Variants in PDE3B observed in about 807,000 individuals in gnomAD.
PDE3B encodes cGMP-inhibited 3',5'-cyclic phosphodiesterase 3B.
PDE3B carries 66 observed loss-of-function variants against 116.8 expected under a neutral mutation model. The observed-to-expected ratio is 0.56, with a 90% confidence interval of 0.46 to 0.69. The LOEUF (loss-of-function observed/expected upper bound fraction) is 0.69, where lower values mean the gene tolerates loss of function less well. PDE3B is among the 30% of genes least tolerant of loss of function. The probability of loss-of-function intolerance (pLI) is 0.00; values close to 1 mark genes in which losing one functional copy is unlikely to be tolerated. For missense variants in PDE3B, 1,384 were observed against 1,368.1 expected, an observed-to-expected ratio of 1.01 and a Z score of -0.18; for synonymous variants, 595 against 533.6, an observed-to-expected ratio of 1.12 and a Z score of -1.59.
At chr11:14,695,392 A>G (rs1347987745) in intron 1 of PDE3B, among the ~76,000 whole-genome samples, 1 of 152,160 alleles carries the variant, frequency 6.6e-6, no homozygotes, top group African/African-American at 2.4e-5. Context: ...GGGAGTAGTT[A>G]TGGATAAAGC....
Position 14,723,675 on chromosome 11 carries a change from C to T in PDE3B, c.979-48262C>T, listed in dbSNP as rs568707455. Among the ~76,000 whole-genome samples, 8 of 151,740 alleles carry T rather than the reference C, an allele frequency of 5.3e-5. No homozygotes were observed. The South Asian group carries it at 6.3e-4, about 12-fold the overall frequency. On this transcript the variant is annotated intron_variant, in intron 1 of 15. Coordinates refer to ENST00000282096, the MANE Select transcript of PDE3B (RefSeq NM_000922.4). ...ACTCAGGAGGCTGAGGCAGGAGGAT[C>T]GTTTGGGCCCAGGAGTTTAAGGCTA...
chr11:14,770,247 T>C (rs1857601758), intron 1 of PDE3B, among the ~76,000 whole-genome samples: 1 of 151,418 alleles, frequency 6.6e-6, no homozygotes, highest in African/African-American at 2.4e-5. Flanking sequence ...ATTCTAGACA[T>C]CTATTCGTGA....
At chr11:14,721,926 TAAAAAAA>T (rs1200588371) in intron 1 of PDE3B, among the ~76,000 whole-genome samples, 1 of 116,498 alleles carries the variant, frequency 8.6e-6, no homozygotes, top group Non-Finnish European at 1.8e-5. Context: ...AAAGTATAAT[TAAAAAAA>T]AAAAAAAAGA....
At chr11:14,857,597 C>G (rs1370139564) in intron 12 of PDE3B, among the ~76,000 whole-genome samples, 1 of 152,136 alleles carries the variant, frequency 6.6e-6, no homozygotes, top group Admixed American at 6.6e-5. Context: ...TTTGAAGTTT[C>G]CAGTATGGTC....
At chr11:14,647,041 C>G (rs938508808) in intron 1 of PDE3B, among the ~76,000 whole-genome samples, 3 of 151,988 alleles carry the variant, frequency 2.0e-5, no homozygotes, top group African/African-American at 7.2e-5. Flanking sequence ...CAGATACTAT[C>G]ATAACAAGAA....
chr11:14,817,315 T>A (rs1859365263), intron 5 of PDE3B, among the ~76,000 whole-genome samples: 1 of 152,012 alleles, frequency 6.6e-6, no homozygotes, highest in Non-Finnish European at 1.5e-5. Flanking sequence ...ATGGATAGCA[T>A]TAGGAGATAT....
intron 1 of PDE3B, among the ~76,000 whole-genome samples, chr11:14,715,093 C>A (rs1218385567): frequency 6.6e-6 from 1 of 151,860 alleles, no homozygotes; most frequent in Non-Finnish European, 1.5e-5. Flanking sequence ...AGGAAATGAT[C>A]TATTAAAGGT....
At chr11:14,789,956 C>T (rs755520949) in intron 4 of PDE3B, among the ~76,000 whole-genome samples, 16 of 151,920 alleles carry the variant, frequency 1.1e-4, no homozygotes, top group South Asian at 4.1e-4. Flanking sequence ...TTTCTTTACT[C>T]AGCTTTCTAA....
intron 5 of PDE3B, among the ~76,000 whole-genome samples, chr11:14,806,004 G>A (rs1858908403): frequency 6.6e-6 from 1 of 152,222 alleles, no homozygotes; most frequent in Non-Finnish European, 1.5e-5. Context: ...AGATGCTGGA[G>A]AGGAGGTGGA....
chr11:14,860,667 T>A (rs1178956360), intron 13 of PDE3B, among the ~76,000 whole-genome samples: 2 of 152,156 alleles, frequency 1.3e-5, no homozygotes, highest in African/African-American at 4.8e-5. Context: ...GTTTTTTCAC[T>A]GTTACACACT....
chr11:14,645,970 C>G (rs1279071880), intron 1 of PDE3B, among the ~76,000 whole-genome samples: 1 of 152,154 alleles, frequency 6.6e-6, no homozygotes, highest in Non-Finnish European at 1.5e-5. Context: ...GTGCCATTAA[C>G]CTCTAGAGAT....
At chr11:14,711,523 G>A (rs1347518690) in intron 1 of PDE3B, among the ~76,000 whole-genome samples, 2 of 152,170 alleles carry the variant, frequency 1.3e-5, no homozygotes, top group Admixed American at 1.3e-4. Flanking sequence ...TACTCATGGC[G>A]GAAGGTGAAG....
intron 4 of PDE3B, among the ~76,000 whole-genome samples, chr11:14,789,761 G>A (rs528064604): frequency 3.9e-5 from 6 of 152,066 alleles, no homozygotes; most frequent in African/African-American, 1.4e-4. Flanking sequence ...ACTGAACAAT[G>A]CTAATCTTAT....
chr11:14,873,505 G>A (rs1453451519), downstream of PDE3B, among the ~76,000 whole-genome samples: 1 of 152,148 alleles, frequency 6.6e-6, no homozygotes, highest in Non-Finnish European at 1.5e-5. Context: ...TAATAAGGGT[G>A]GCTCCCAGAT....
At chr11:14,874,506 T>C (rs1179622988), downstream of PDE3B, among the ~76,000 whole-genome samples, 1 of 152,320 alleles carries the variant, frequency 6.6e-6, no homozygotes, top group Non-Finnish European at 1.5e-5. Flanking sequence ...GCTATAGTTA[T>C]ACTATCTTTG....
the PDE3B span, among the ~76,000 whole-genome samples, chr11:14,893,677 C>T: frequency 3.9e-5 from 6 of 152,284 alleles, no homozygotes; most frequent in South Asian, 2.1e-4. Flanking sequence ...CTTCCAACAT[C>T]GCTGTCTCTC....
In PDE3B at chr11:14,700,005, C is replaced by G. The variant is rs570270293; in HGVS notation, c.978+54952C>G. Reference sequence around the variant, plus strand: ...GATCTTTTGTTAATTATATATGGCTCCGACAGTAGAGATTTGAGTTTGGCT... The same window carrying G: ...GATCTTTTGTTAATTATATATGGCTGCGACAGTAGAGATTTGAGTTTGGCT... On this transcript the variant is annotated intron_variant, in intron 1 of 15. Coordinates refer to ENST00000282096, the MANE Select transcript of PDE3B (RefSeq NM_000922.4). Among the ~76,000 whole-genome samples the G allele has an allele frequency of 3.3e-5, 5 of 151,584 alleles. No individual in the cohort carries two copies. The South Asian group carries it at 1.0e-3, about 32-fold the overall frequency.
chr11:14,776,471 C>T (rs1857788767), intron 2 of PDE3B: 1 of 152,256 alleles, frequency 6.6e-6, no homozygotes, highest in African/African-American at 2.4e-5. Flanking sequence ...GCTCTCTTTC[C>T]CCCTACTGTA....
chr11:14,810,953 G>T (rs1859108151), intron 5 of PDE3B, among the ~76,000 whole-genome samples: 1 of 149,964 alleles, frequency 6.7e-6, no homozygotes, highest in Non-Finnish European at 1.5e-5. Context: ...TTTTTTGGCT[G>T]CATAAATGTC....
Sources: gnomAD v4.1 joint callset for allele counts (sites outside exome capture counted in the v4.1 genomes callset) on GRCh38, gnomAD v4.1.1 for gene constraint, MANE v1.5 for transcripts, NCBI Gene and HGNC (gene_info 2026-07-23, HGNC 2026-07-21) for gene names.